The following SPTA1 variants were observed in gnomAD, a reference collection of about 807,000 sequenced individuals.
SPTA1 encodes the protein spectrin alpha chain, erythrocytic 1.
Under a neutral mutation model 324.7 loss-of-function variants are expected in SPTA1, and 177 were observed. The ratio of observed to expected loss-of-function variants is 0.55; its 90% CI spans 0.48 to 0.62. SPTA1 has a LOEUF of 0.62. Among genes scored for constraint, SPTA1 ranks in the 20% least tolerant of loss-of-function variants. The probability of loss-of-function intolerance (pLI) is 0.00; values close to 1 mark genes in which losing one functional copy is unlikely to be tolerated. For missense variants in SPTA1, 3,162 were observed against 2,883.6 expected, an observed-to-expected ratio of 1.10 and a Z score of -2.21; for synonymous variants, 1,195 against 1,041.3, an observed-to-expected ratio of 1.15 and a Z score of -2.84.
intron 33 of SPTA1, among the ~76,000 whole-genome samples, chr1:158,641,256 C>T (rs1375378571): frequency 9.9e-5 from 15 of 152,092 alleles, no homozygotes; most frequent in Non-Finnish European, 1.3e-4. Flanking sequence ...TGGGCAAGGA[C>T]TTCATGTCTA....
In SPTA1 at chr1:158,666,349, G is replaced by T. The variant is rs780083079; in HGVS notation, c.2187C>A (p.His729Gln). 1.2e-6 allele frequency: 2 copies of T among 1,613,826 alleles called. No individual in the cohort carries two copies. The highest frequency in any genetic ancestry group is 3.3e-5 in the Admixed American group (2 of 59,986). Residue 729 changes from histidine (H) to glutamine (Q), a missense_variant, in exon 16 of 52, where the codon CAC becomes CAA. Transcript: ENST00000643759. Reference protein sequence around the residue: ...LAEVQNRLRKHGLLESAVAAR... With the variant: ...LAEVQNRLRKQGLLESAVAAR... ...CAGCCACAGCCGACTCCAGGAGGCC[G>T]TGTTTCCTGAGTCGATTCTGTACCT...
chr1:158,620,180 T>G lies in SPTA1; in HGVS notation c.6407A>C (p.Asp2136Ala), dbSNP rs1227126267. Residue 2136 changes from aspartate (D) to alanine (A), a missense_variant, in exon 44 of 52, where the codon GAC becomes GCC. By Grantham distance (126) the Asp-to-Ala change is moderately radical. Transcript: ENST00000643759. ...VLERTWKHLSDIIEEREQELQ... is the reference protein window; with the variant it reads ...VLERTWKHLSAIIEEREQELQ... ...CGTGTTCCAGGTTACCTCAATGATG[T>G]CAGATAGGTGCTTCCAGGTCCTTTC... The G allele has an allele frequency of 1.2e-6, 2 of 1,614,042 alleles. No individual in the cohort carries two copies. Among genetic ancestry groups the G allele is most frequent in the African/African-American group, 2.7e-5 (2 of 74,938 alleles).
intron 47 of SPTA1, among the ~76,000 whole-genome samples, chr1:158,616,139 A>G (rs191206878): frequency 6.6e-6 from 1 of 152,294 alleles, no homozygotes; most frequent in East Asian, 1.9e-4. Flanking sequence ...TAATAGATGT[A>G]CATACTTCAG....
At chr1:158,612,990 C>CCTT in intron 50 of SPTA1, 29 bp from the exon 51 acceptor site, 1 of 1,612,616 alleles carries the variant, frequency 6.2e-7, no homozygotes, top group Non-Finnish European at 8.5e-7. Flanking sequence ...AGGAGCTGAG[C>CCTT]CTTCTCAAGG....
intron 39 of SPTA1, among the ~76,000 whole-genome samples, chr1:158,632,409 A>G (rs1342318645): frequency 6.6e-6 from 1 of 152,236 alleles, no homozygotes; most frequent in Non-Finnish European, 1.5e-5. Context: ...TTATACACGT[A>G]TAAATGTATT....
At position 158,678,263 on chromosome 1, in the gene SPTA1, C is replaced by T. The variant is rs948051096; in HGVS notation, c.812+138G>A. ...TTCTTTACCTTCTCCTTTGCTGTCC[C>T]AAAGGCAAGTACATGATCCACTTTT... On this transcript the variant is annotated intron_variant, in intron 6 of 51. Coordinates refer to ENST00000643759, the MANE Select transcript of SPTA1 (RefSeq NM_003126.4). The T allele has an allele frequency of 1.7e-5, 20 of 1,207,976 alleles. No individual in the cohort carries two copies. In the African/African-American group the frequency reaches 1.8e-4, roughly 11 times the overall value. 74.8% of individuals were successfully genotyped at this position (1,207,976 alleles called of 1,614,324 possible). A position where few individuals can be genotyped will look rare whatever the true frequency, so the allele number is the denominator to read the frequency against.
chr1:158,645,156 AACCTGCTTAACAATTGGGAAATTTGCTGT>A lies in SPTA1; in HGVS notation c.4194+3_4194+31del. 1 of 1,612,276 alleles carries A rather than the reference AACCTGCTTAACAATTGGGAAATTTGCTGT, an allele frequency of 6.2e-7. No homozygotes were observed. Among genetic ancestry groups the A allele is most frequent in the Non-Finnish European group, 8.5e-7 (1 of 1,178,620 alleles). On this transcript the variant is annotated splice_donor_5th_base_variant and intron_variant, in intron 29 of 51. Coordinates refer to ENST00000643759, the MANE Select transcript of SPTA1 (RefSeq NM_003126.4). ...ATTGCATAGGAGAAACAGACTACTG[AACCTGCTTAACAATTGGGAAATTTGCTGT>A]ACCTGCAACTCCAGGCACTGGTCTA...
Position 158,665,656 on chromosome 1 carries a change from G to T in SPTA1, c.2220+660C>A, listed in dbSNP as rs115508340. Among the ~76,000 whole-genome samples, 212 of 152,234 alleles carry T rather than the reference G, an allele frequency of 1.4e-3. 1 individual carries two copies. The highest frequency in any genetic ancestry group is 5.2e-3 in the Admixed American group (79 of 15,284). ...AAATATCTCTGAAACTAGAAACCTT[G>T]ACATCAGTTCATTGTTCTGGCTCTG... is the stretch of plus-strand genomic sequence containing the variant. On this transcript the variant is annotated intron_variant, in intron 16 of 51. Transcript: ENST00000643759.
In SPTA1 at chr1:158,685,318, C is replaced by T. The variant is rs199690643; in HGVS notation, c.54G>A (p.Leu18=). 4.7e-5 allele frequency: 76 copies of T among 1,613,518 alleles called. No homozygotes were observed. The highest frequency in any genetic ancestry group is 5.9e-5 in the Non-Finnish European group (70 of 1,179,778). The change falls in exon 2 of 52, where the codon TTG becomes TTA. Residue 18 remains leucine, a synonymous_variant. Transcript: ENST00000643759. ...TVVESSGPKV[L]ETAEEIQERR... ...TCTCCTGGATCTCTTCTGCTGTTTCCAAAACCTTTGGCCCACTGCTCTCCA... is the reference window on the plus strand; with the variant it reads ...TCTCCTGGATCTCTTCTGCTGTTTCTAAAACCTTTGGCCCACTGCTCTCCA...
rs1197078055 is a variant in SPTA1, at chr1:158,676,444, T to A, written c.958-149A>T. 1.1e-5 allele frequency: 9 copies of A among 791,726 alleles called. 1 individual carries two copies. In the East Asian group the frequency reaches 1.6e-4, roughly 14 times the overall value. 49.0% of individuals were successfully genotyped at this position (791,726 alleles called of 1,614,324 possible). A position where few individuals can be genotyped will look rare whatever the true frequency, so the allele number is the denominator to read the frequency against. On this transcript the variant is annotated intron_variant, in intron 7 of 51. Transcript: ENST00000643759. ...GATTTCTATTAATATACTAATGTAC[T>A]ACATTGATAATTACAATTCACTAAG...
At chr1:158,639,520 A>C (rs1571419739) in intron 35 of SPTA1, 62 bp downstream of exon 35, 2 of 1,531,278 alleles carry the variant, frequency 1.3e-6, no homozygotes, top group Admixed American at 3.3e-5. Flanking sequence ...CTAACATGGG[A>C]GGGAGAAGAG....
chr1:158,641,558 A>G (rs558818326), intron 33 of SPTA1, among the ~76,000 whole-genome samples: 1 of 152,246 alleles, frequency 6.6e-6, no homozygotes, highest in Admixed American at 6.5e-5. Context: ...CACATGAAAA[A>G]ATGCTCATCA....
intron 47 of SPTA1, among the ~76,000 whole-genome samples, chr1:158,617,103 A>G (rs1419002311): frequency 6.6e-6 from 1 of 152,140 alleles, no homozygotes; most frequent in East Asian, 1.9e-4. Flanking sequence ...TTGTCAAGAG[A>G]TGATTAGATT....
At chr1:158,666,240 C>CTTA in intron 16 of SPTA1, 76 bp downstream of exon 16, 1 of 1,439,716 alleles carries the variant, frequency 6.9e-7, no homozygotes, top group Non-Finnish European at 9.7e-7. Context: ...GTAATAATTA[C>CTTA]TTATTACTTA....
chr1:158,658,158 TA>T (rs918779279), intron 18 of SPTA1, among the ~76,000 whole-genome samples: 1 of 152,118 alleles, frequency 6.6e-6, no homozygotes, highest in Admixed American at 6.5e-5. Flanking sequence ...AGAAGGGAAA[TA>T]AATGAGATAT....
chr1:158,669,335 T>C, intron 14 of SPTA1, 73 bp downstream of exon 14: 1 of 1,604,892 alleles, frequency 6.2e-7, no homozygotes, highest in Non-Finnish European at 8.5e-7. Context: ...TAAAGTTCAT[T>C]TTACTCCAAG....
intron 7 of SPTA1, among the ~76,000 whole-genome samples, chr1:158,676,516 C>T (rs1654404925): frequency 6.6e-6 from 1 of 152,106 alleles, no homozygotes; most frequent in Non-Finnish European, 1.5e-5. Flanking sequence ...TGAACGTTCT[C>T]ATTTTATATT....
In SPTA1 at chr1:158,623,895, G is replaced by C. The variant is rs111288306; in HGVS notation, c.5911-703C>G. ...GTAGGGGTTCCTGGGCTGGGCCCAG[G>C]GCTCCCTGATTTGTGTAGCCTAGTG... is the stretch of plus-strand genomic sequence containing the variant. On this transcript the variant is annotated intron_variant, in intron 42 of 51. Coordinates refer to ENST00000643759, the MANE Select transcript of SPTA1 (RefSeq NM_003126.4). Among the ~76,000 whole-genome samples the C allele has an allele frequency of 5.5e-3, 840 of 152,272 alleles. 5 individuals carry two copies. Among genetic ancestry groups the C allele is most frequent in the African/African-American group, 0.019 (800 of 41,566 alleles).
At chr1:158,640,074 A>G (rs1651429268) in intron 33 of SPTA1, 67 bp from the exon 34 acceptor site, 1 of 1,610,722 alleles carries the variant, frequency 6.2e-7, no homozygotes. Context: ...TACTTGAGAG[A>G]ATAATGTAGG....
Sources: allele counts gnomAD v4.1 joint callset (sites outside exome capture counted in the v4.1 genomes callset), GRCh38; gene constraint gnomAD v4.1.1; transcripts MANE v1.5; gene names NCBI Gene and HGNC (gene_info 2026-07-23, HGNC 2026-07-21).